ARHGAP21: variants seen among roughly 807,000 people sequenced by gnomAD.
ARHGAP21 encodes Rho GTPase activating protein 21.
Under a neutral mutation model 164.6 loss-of-function variants are expected in ARHGAP21, and 38 were observed. That is an observed-to-expected ratio of 0.23 (90% CI 0.18 to 0.30). The LOEUF (loss-of-function observed/expected upper bound fraction) is 0.30. ARHGAP21 is among the 10% of genes least tolerant of loss of function. ARHGAP21 has a pLI of 1.00. For synonymous variants in ARHGAP21, 766 were observed against 857.9 expected (o/e 0.89, Z 1.87); for missense variants, 1,822 against 2,370.7 (o/e 0.77, Z 4.81).
chr10:24,670,701 A>G (rs1000554276), intron 2 of ARHGAP21, among the ~76,000 whole-genome samples: 1 of 152,200 alleles, frequency 6.6e-6, no homozygotes, highest in African/African-American at 2.4e-5. Flanking sequence ...AAGGAATGAA[A>G]GATAATACCA....
At chr10:24,600,954 T>TAATA in intron 13 of ARHGAP21, 24 bp from the exon 14 acceptor site, 1 of 1,599,348 alleles carries the variant, frequency 6.3e-7, no homozygotes, top group Non-Finnish European at 8.5e-7. Context: ...GACAGTTCTT[T>TAATA]AATAGTCAAT....
intron 2 of ARHGAP21, among the ~76,000 whole-genome samples, chr10:24,720,374 T>G (rs991479789): frequency 1.4e-4 from 21 of 152,164 alleles, no homozygotes; most frequent in Admixed American, 1.3e-4. Flanking sequence ...TACATATTAT[T>G]ATGTAACTGC....
Position 24,633,478 on chromosome 10 carries a change from C to A in ARHGAP21, c.364G>T (p.Asp122Tyr), listed in dbSNP as rs148127258. The part of the protein sequence containing the change: ...PAFEAGLCTG[D>Y]RIIKVNGESV... ...TCTCCATTGACTTTTATAATTCGGT[C>A]ACCTTCAAAGAGAAGTTAAAAAACA... The change falls in exon 6 of 26, where the codon GAC becomes TAC. Residue 122 changes from aspartate (D) to tyrosine (Y), a missense_variant and splice_region_variant. By Grantham distance (160) the Asp-to-Tyr change is radical. Coordinates refer to ENST00000396432, the MANE Select transcript of ARHGAP21 (RefSeq NM_020824.4). 6.2e-7 allele frequency: 1 copy of A among 1,608,600 alleles called. No homozygotes were observed. Among genetic ancestry groups the A allele is most frequent in the South Asian group, 1.1e-5 (1 of 90,572 alleles).
At position 24,631,228 on chromosome 10, in the gene ARHGAP21, G is replaced by A. The variant is rs926729843; in HGVS notation, c.441-1178C>T. Among the ~76,000 whole-genome samples, 3 of 152,206 alleles carry A rather than the reference G, an allele frequency of 2.0e-5. No individual in the cohort carries two copies. In the East Asian group the frequency reaches 5.8e-4, roughly 29 times the overall value. Reference sequence around the variant, plus strand: ...AAAATACAAAAATTAGCTGGACGTGGTGGCAGGTGCCTGTAATCCCAGCTT... The same window carrying A: ...AAAATACAAAAATTAGCTGGACGTGATGGCAGGTGCCTGTAATCCCAGCTT... On this transcript the variant is annotated intron_variant, in intron 6 of 25. Coordinates refer to ENST00000396432, the MANE Select transcript of ARHGAP21 (RefSeq NM_020824.4).
intron 4 of ARHGAP21, 41 bp from the exon 5 acceptor site, chr10:24,635,144 AC>A: frequency 7.6e-7 from 1 of 1,318,104 alleles, no homozygotes; most frequent in Non-Finnish European, 1.1e-6. Context: ...ACTTCACAAT[AC>A]TTTACTAAAA....
chr10:24,652,157 T>C (rs936547742), intron 4 of ARHGAP21, among the ~76,000 whole-genome samples: 2 of 152,054 alleles, frequency 1.3e-5, no homozygotes, highest in Admixed American at 6.5e-5. Context: ...AAATGAGCCA[T>C]GGGTCAATCC....
chr10:24,632,382 G>T (rs1371957074), intron 6 of ARHGAP21, among the ~76,000 whole-genome samples: 1 of 152,166 alleles, frequency 6.6e-6, no homozygotes, highest in Non-Finnish European at 1.5e-5. Context: ...TGGCAAATCT[G>T]TTATCCCTTG....
chr10:24,593,755 A>C (rs190506350), intron 21 of ARHGAP21, among the ~76,000 whole-genome samples: 1 of 152,326 alleles, frequency 6.6e-6, no homozygotes, highest in African/African-American at 2.4e-5. Flanking sequence ...GAATGATGTA[A>C]TAGATTTCAG....
At chr10:24,696,812 C>T (rs939552149) in intron 2 of ARHGAP21, among the ~76,000 whole-genome samples, 1 of 152,202 alleles carries the variant, frequency 6.6e-6, no homozygotes, top group African/African-American at 2.4e-5. Flanking sequence ...AGAAAACCAA[C>T]CAGCTAACAG....
At chr10:24,657,444 G>A (rs1232303101) in intron 4 of ARHGAP21, among the ~76,000 whole-genome samples, 19 of 75,496 alleles carry the variant, frequency 2.5e-4, no homozygotes, top group African/African-American at 7.5e-4. Context: ...TCAGCCCCCC[G>A]CCCGGCCAGC....
intron 2 of ARHGAP21, among the ~76,000 whole-genome samples, chr10:24,685,846 A>G (rs1842163701): frequency 6.6e-6 from 1 of 152,190 alleles, no homozygotes; most frequent in South Asian, 2.1e-4. Context: ...ACTGCACTCC[A>G]GTTTAGTTAA....
chr10:24,625,313 A>AAAAAAAAAAAAAC (rs1835028397), intron 7 of ARHGAP21, among the ~76,000 whole-genome samples: 1 of 150,942 alleles, frequency 6.6e-6, no homozygotes. Flanking sequence ...AAAAAAAAAA[A>AAAAAAAAAAAAAC]AAAAAAAAAA....
At chr10:24,628,289 G>C (rs1268014690) in intron 7 of ARHGAP21, among the ~76,000 whole-genome samples, 1 of 152,108 alleles carries the variant, frequency 6.6e-6, no homozygotes, top group Non-Finnish European at 1.5e-5. Context: ...ACTTCAGAAG[G>C]GTAATTGTTA....
At position 24,584,017 on chromosome 10, in the gene ARHGAP21, AAGTT is replaced by A. The variant is rs1234482055; in HGVS notation, c.*391_*394del. 3 of 152,912 alleles carry A rather than the reference AAGTT, an allele frequency of 2.0e-5. No individual in the cohort carries two copies. Among genetic ancestry groups the A allele is most frequent in the African/African-American group, 7.2e-5 (3 of 41,564 alleles). 9.5% of individuals were successfully genotyped at this position (152,912 alleles called of 1,614,324 possible). A position where few individuals can be genotyped will look rare whatever the true frequency, so the allele number is the denominator to read the frequency against. ...ACGCATTCGTTTATTCAATGTAAGT[AAGTT>A]ATCTAATTTTAACAATATGGCACCC... On this transcript the variant is annotated 3_prime_UTR_variant, in exon 26 of 26. Transcript: ENST00000396432.
At chr10:24,686,827 T>C (rs1310056886) in intron 2 of ARHGAP21, among the ~76,000 whole-genome samples, 1 of 152,232 alleles carries the variant, frequency 6.6e-6, no homozygotes, top group Non-Finnish European at 1.5e-5. Context: ...GAATAAACTA[T>C]TCCTTTCTCA....
At position 24,633,590 on chromosome 10, in the gene ARHGAP21, A is replaced by G. The variant is rs1016535361; in HGVS notation, c.362-110T>C. ...CTTATTTTTAATGTCGTATATATTA[A>G]AATAATAAAATACAGAGTTGTGAGA... On this transcript the variant is annotated intron_variant, in intron 5 of 25. Transcript: ENST00000396432. 8.8e-6 allele frequency: 5 copies of G among 571,236 alleles called. No homozygotes were observed. The African/African-American group carries it at 9.4e-5, about 11-fold the overall frequency. The allele number at this position is 571,236 out of a possible 1,614,324, so 35.4% of individuals were successfully genotyped here. A position where few individuals can be genotyped will look rare whatever the true frequency, so the allele number is the denominator to read the frequency against.
At chr10:24,592,154 AGAT>A in intron 21 of ARHGAP21, 142 bp from the exon 22 acceptor site, 127 of 552,046 alleles carry the variant, frequency 2.3e-4, no homozygotes, top group Non-Finnish European at 2.9e-4. Flanking sequence ...CTTTCTAGCA[AGAT>A]TTTTTTTTTT....
At chr10:24,600,242 C>T (rs2076759804) in intron 14 of ARHGAP21, among the ~76,000 whole-genome samples, 1 of 150,860 alleles carries the variant, frequency 6.6e-6, no homozygotes, top group African/African-American at 2.4e-5. Flanking sequence ...GTATAGTTCT[C>T]TTAACAAAAA....
chr10:24,614,782 CA>C (rs34148464), intron 9 of ARHGAP21, among the ~76,000 whole-genome samples: 107 of 110,120 alleles, frequency 9.7e-4, no homozygotes, highest in Middle Eastern at 5.4e-3. Context: ...GACTCCATCT[CA>C]AAAAAAAAAA....
Sources: allele counts gnomAD v4.1 joint callset (sites outside exome capture counted in the v4.1 genomes callset), GRCh38; gene constraint gnomAD v4.1.1; transcripts MANE v1.5; gene names NCBI Gene and HGNC (gene_info 2026-07-23, HGNC 2026-07-21).